UIMC1: variants seen among roughly 807,000 people sequenced by gnomAD.
The protein encoded by UIMC1 is BRCA1-A complex subunit RAP80.
A neutral mutation model predicts 84.9 loss-of-function variants in UIMC1; 42 were observed. The ratio of observed to expected loss-of-function variants is 0.49; its 90% confidence interval spans 0.39 to 0.64. UIMC1 has a LOEUF of 0.64. UIMC1 is among the 30% of genes least tolerant of loss of function. UIMC1 has a pLI of 0.00. For synonymous variants in UIMC1, 281 were observed against 293.0 expected (o/e 0.96, Z 0.42); for missense variants, 825 against 847.6 (o/e 0.97, Z 0.33).
intron 10 of UIMC1, among the ~76,000 whole-genome samples, chr5:176,925,673 A>G (rs1762308034): frequency 1.3e-5 from 2 of 152,180 alleles, no homozygotes; most frequent in Admixed American, 1.3e-4. Flanking sequence ...AGATTACATA[A>G]AAGTATACTG....
intron 1 of UIMC1, among the ~76,000 whole-genome samples, chr5:176,985,087 A>G (rs1452572496): frequency 6.6e-6 from 1 of 152,214 alleles, no homozygotes; most frequent in Non-Finnish European, 1.5e-5. Context: ...AGAATGATCA[A>G]TAAATACAAA....
chr5:176,966,146 T>A (rs557662168), intron 6 of UIMC1, among the ~76,000 whole-genome samples: 1 of 152,366 alleles, frequency 6.6e-6, no homozygotes, highest in African/African-American at 2.4e-5. Flanking sequence ...AGATGGTTAC[T>A]AGGAAATAAT....
In UIMC1 at chr5:176,978,094, G is replaced by A. The variant is rs778170279; in HGVS notation, c.148-2614C>T. 6.6e-5 allele frequency among the ~76,000 whole-genome samples: 10 copies of A among 152,104 alleles called. No individual in the cohort carries two copies. The East Asian group carries it at 7.7e-4, about 12-fold the overall frequency. On this transcript the variant is annotated intron_variant, in intron 2 of 14. Coordinates refer to ENST00000511320, the MANE Select transcript of UIMC1 (RefSeq NM_001199298.2). ...CATATTAAAACTCAGTTGGTAGGCCGGGTGCGGTGACTCACGCCTGTAATC... is the reference window on the plus strand; with the variant it reads ...CATATTAAAACTCAGTTGGTAGGCCAGGTGCGGTGACTCACGCCTGTAATC...
chr5:176,970,850 T>C lies in UIMC1; in HGVS notation c.249A>G (p.Glu83=), dbSNP rs1769099438. 6.2e-7 allele frequency: 1 copy of C among 1,613,910 alleles called. No homozygotes were observed. The highest frequency in any genetic ancestry group is 8.5e-7 in the Non-Finnish European group (1 of 1,180,004). The change falls in exon 4 of 15, where the codon GAA becomes GAG. Residue 83 remains glutamate, a synonymous_variant. Transcript: ENST00000511320. ...KRKIAQMTEE[E]QFALALKMSE... is the part of the protein sequence containing the mutation. ...TCATTTTGAGAGCCAGAGCAAACTG[T>C]TCTTCTTCTGTCATCTCTGTAAGAG... is the stretch of plus-strand genomic sequence containing the variant.
At chr5:176,957,679 A>T (rs1453413641) in intron 7 of UIMC1, among the ~76,000 whole-genome samples, 1 of 152,228 alleles carries the variant, frequency 6.6e-6, no homozygotes, top group Non-Finnish European at 1.5e-5. Flanking sequence ...TTAGATATAC[A>T]GATAAAATAA....
Position 176,938,051 on chromosome 5 carries a change from G to A in UIMC1, c.1597+5284C>T, listed in dbSNP as rs891394692. Among the ~76,000 whole-genome samples, 8 of 151,940 alleles carry A rather than the reference G, an allele frequency of 5.3e-5. No individual in the cohort carries two copies. The South Asian group carries it at 6.3e-4, about 12-fold the overall frequency. ...ACAAAAAATAAAAAATTAGCCAGGC[G>A]TGATGGCATGCACCTGTGGTCCCAG... On this transcript the variant is annotated intron_variant, in intron 10 of 14. Coordinates refer to ENST00000511320, the MANE Select transcript of UIMC1 (RefSeq NM_001199298.2).
intron 9 of UIMC1, among the ~76,000 whole-genome samples, chr5:176,947,362 A>G (rs533915251): frequency 1.3e-5 from 2 of 152,010 alleles, no homozygotes; most frequent in East Asian, 3.9e-4. Flanking sequence ...ATATATATAT[A>G]TTTTTTAAGT....
chr5:177,017,722 T>G (rs910151715), intron 1 of UIMC1, among the ~76,000 whole-genome samples: 18 of 150,290 alleles, frequency 1.2e-4, no homozygotes, highest in African/African-American at 4.4e-4. Context: ...CAGGTGGTAG[T>G]GCAGTGGTAC....
intron 1 of UIMC1, among the ~76,000 whole-genome samples, chr5:177,002,296 AT>A (rs1774640242): frequency 6.6e-6 from 1 of 151,972 alleles, no homozygotes; most frequent in South Asian, 2.1e-4. Context: ...TCCCAAAAAA[AT>A]AAAAATAAAA....
chr5:176,910,650 C>A (rs1044654527), intron 11 of UIMC1, among the ~76,000 whole-genome samples: 1 of 152,170 alleles, frequency 6.6e-6, no homozygotes, highest in African/African-American at 2.4e-5. Context: ...CTCAATGCTT[C>A]CCAAAGAGCA....
rs575622674 is a variant in UIMC1 at position 176,974,987 on chromosome 5, T to TA, written c.232+408dup. 1.6e-4 allele frequency among the ~76,000 whole-genome samples: 24 copies of TA among 148,802 alleles called. 1 individual carries two copies. The highest frequency in any genetic ancestry group is 6.8e-4 in the Admixed American group (10 of 14,810). On this transcript the variant is annotated intron_variant, in intron 3 of 14. Coordinates refer to ENST00000511320, the MANE Select transcript of UIMC1 (RefSeq NM_001199298.2). ...TGGACAGCACAGCAGGACCCTGTGT[T>TA]AAAAAAAAAATTAAAATTAGCCAGG...
intron 10 of UIMC1, among the ~76,000 whole-genome samples, chr5:176,928,343 G>C (rs1179380079): frequency 6.6e-6 from 1 of 152,060 alleles, no homozygotes; most frequent in Admixed American, 6.6e-5. Flanking sequence ...GCTAGACTTT[G>C]CTTTTAAGAG....
intron 1 of UIMC1, among the ~76,000 whole-genome samples, chr5:176,990,587 T>C (rs1478503453): frequency 6.6e-6 from 1 of 152,218 alleles, no homozygotes; most frequent in African/African-American, 2.4e-5. Flanking sequence ...GTGAATTTTC[T>C]AAACCCCAAA....
chr5:176,925,052 GCA>G (rs1382511913), intron 10 of UIMC1, among the ~76,000 whole-genome samples: 5 of 147,608 alleles, frequency 3.4e-5, no homozygotes, highest in African/African-American at 1.2e-4. Flanking sequence ...AAAAAAGAAA[GCA>G]AAAGAAAATG....
chr5:176,938,996 T>C (rs1644591463), intron 10 of UIMC1, among the ~76,000 whole-genome samples: 1 of 151,364 alleles, frequency 6.6e-6, no homozygotes, highest in Admixed American at 6.6e-5. Flanking sequence ...CTCACACCTG[T>C]AATCCCAACA....
chr5:176,993,608 T>C (rs1000779656), intron 1 of UIMC1, among the ~76,000 whole-genome samples: 1 of 152,182 alleles, frequency 6.6e-6, no homozygotes, highest in Non-Finnish European at 1.5e-5. Flanking sequence ...AGTCTAATAA[T>C]TATAAAGTAT....
intron 1 of UIMC1, among the ~76,000 whole-genome samples, chr5:176,986,413 A>T (rs1358701272): frequency 6.8e-6 from 1 of 147,752 alleles, no homozygotes; most frequent in African/African-American, 2.5e-5. Context: ...GAGCACCTAC[A>T]GTCCCAGCTA....
chr5:176,947,006 C>T (rs1765207391), intron 9 of UIMC1, among the ~76,000 whole-genome samples: 1 of 152,152 alleles, frequency 6.6e-6, no homozygotes, highest in Admixed American at 6.6e-5. Flanking sequence ...TTACATGACG[C>T]AAATGTGTCA....
intron 10 of UIMC1, among the ~76,000 whole-genome samples, chr5:176,920,758 G>A (rs1761605272): frequency 6.6e-6 from 1 of 152,142 alleles, no homozygotes; most frequent in South Asian, 2.1e-4. Context: ...TTTCCAACCT[G>A]AATGGCTTTT....
Sources: gnomAD v4.1 joint callset for allele counts (sites outside exome capture counted in the v4.1 genomes callset) on GRCh38, gnomAD v4.1.1 for gene constraint, MANE v1.5 for transcripts, NCBI Gene and HGNC (gene_info 2026-07-23, HGNC 2026-07-21) for gene names.